GNA12: variants seen among roughly 807,000 people sequenced by gnomAD.
GNA12 encodes the protein G protein subunit alpha 12.
GNA12 carries 9 observed loss-of-function variants against 26.0 expected under a neutral mutation model. That is an observed-to-expected ratio of 0.35 (90% CI 0.21 to 0.60). The LOEUF (loss-of-function observed/expected upper bound fraction) is 0.60. GNA12 is among the 20% of genes least tolerant of loss of function. The pLI, the probability that GNA12 is intolerant of heterozygous loss-of-function variation, is 0.78. For synonymous variants in GNA12, 264 were observed against 219.6 expected (o/e 1.20, Z -1.79); for missense variants, 405 against 525.8 (o/e 0.77, Z 2.25).
intron 2 of GNA12, among the ~76,000 whole-genome samples, chr7:2,747,647 T>C (rs1790830761): frequency 6.6e-6 from 1 of 152,238 alleles, no homozygotes; most frequent in Non-Finnish European, 1.5e-5. Context: ...TCCTATTCAA[T>C]ATAGTGTTGG....
chr7:2,829,657 T>C (rs1331866439), intron 1 of GNA12, among the ~76,000 whole-genome samples: 1 of 152,216 alleles, frequency 6.6e-6, no homozygotes, highest in African/African-American at 2.4e-5. Context: ...TACTTCTCTT[T>C]CATAGTTTCT....
At chr7:2,791,155 T>C (rs1025068369) in intron 2 of GNA12, among the ~76,000 whole-genome samples, 3 of 152,232 alleles carry the variant, frequency 2.0e-5, no homozygotes, top group African/African-American at 7.2e-5. Flanking sequence ...GACAAGAAGA[T>C]AATATTTATA....
intron 1 of GNA12, among the ~76,000 whole-genome samples, chr7:2,796,208 T>G (rs1792669275): frequency 6.6e-6 from 1 of 152,206 alleles, no homozygotes; most frequent in African/African-American, 2.4e-5. Flanking sequence ...CCTCAGTGGA[T>G]GTCTGAACGG....
At chr7:2,779,690 C>T (rs1399494557) in intron 2 of GNA12, among the ~76,000 whole-genome samples, 6 of 151,980 alleles carry the variant, frequency 3.9e-5, no homozygotes, top group African/African-American at 9.7e-5. Context: ...CTTCAGCCTC[C>T]GGGGTTCAAG....
chr7:2,762,782 CA>C (rs1417020292), intron 2 of GNA12: 1 of 1,543,454 alleles, frequency 6.5e-7, no homozygotes, highest in South Asian at 1.2e-5. Context: ...CCAGGCTGTA[CA>C]AAAGGGAGGA....
chr7:2,738,579 G>C (rs1790332921), intron 2 of GNA12, among the ~76,000 whole-genome samples: 1 of 152,080 alleles, frequency 6.6e-6, no homozygotes. Flanking sequence ...ATTTGGAAAA[G>C]GAAACGTGGA....
chr7:2,760,350 CA>C (rs1354172967), intron 2 of GNA12: 1 of 152,376 alleles, frequency 6.6e-6, no homozygotes, highest in East Asian at 1.9e-4. Flanking sequence ...ACCAGTACAC[CA>C]GGGGGACACC....
intron 2 of GNA12, among the ~76,000 whole-genome samples, chr7:2,785,424 A>G (rs1792333543): frequency 6.6e-6 from 1 of 152,250 alleles, no homozygotes; most frequent in Non-Finnish European, 1.5e-5. Context: ...GTAACAGTTA[A>G]GAAAGCTCTG....
chr7:2,784,921 A>G (rs752396808), intron 2 of GNA12, among the ~76,000 whole-genome samples: 5 of 152,234 alleles, frequency 3.3e-5, no homozygotes, highest in Non-Finnish European at 5.9e-5. Flanking sequence ...GCTGTCACAT[A>G]AAGTATTTCA....
intron 2 of GNA12, among the ~76,000 whole-genome samples, chr7:2,740,631 T>C (rs1790451117): frequency 6.6e-6 from 1 of 152,190 alleles, no homozygotes; most frequent in African/African-American, 2.4e-5. Flanking sequence ...GAGGCAAAGA[T>C]GGTGAAATGT....
At chr7:2,796,074 C>T (rs1381265792) in intron 1 of GNA12, among the ~76,000 whole-genome samples, 1 of 151,908 alleles carries the variant, frequency 6.6e-6, no homozygotes, top group Non-Finnish European at 1.5e-5. Flanking sequence ...CCATGTTGTC[C>T]AGCCTGGTCT....
chr7:2,762,421 C>G (rs1791604571), intron 2 of GNA12: 1 of 484,908 alleles, frequency 2.1e-6, no homozygotes, highest in African/African-American at 2.0e-5. Flanking sequence ...TAGACGTTAA[C>G]TTGGCCAAGG....
chr7:2,761,624 C>G (rs979981484), intron 2 of GNA12, among the ~76,000 whole-genome samples: 1 of 152,174 alleles, frequency 6.6e-6, no homozygotes, highest in African/African-American at 2.4e-5. Context: ...CGTTCCCGAA[C>G]CGGCCTCTCA....
intron 2 of GNA12, among the ~76,000 whole-genome samples, chr7:2,737,282 T>TG (rs1790249299): frequency 6.6e-5 from 4 of 60,580 alleles, no homozygotes; most frequent in African/African-American, 2.7e-4. Flanking sequence ...TTGTTTTTTT[T>TG]TTTTTTGTTT....
intron 1 of GNA12, chr7:2,835,529 G>A: frequency 8.4e-6 from 4 of 476,758 alleles, no homozygotes; most frequent in South Asian, 5.3e-5. Context: ...TGGAGACAGG[G>A]TTGTATTTGC....
At chr7:2,761,176 C>A (rs976654987) in intron 2 of GNA12, among the ~76,000 whole-genome samples, 1 of 152,234 alleles carries the variant, frequency 6.6e-6, no homozygotes, top group Non-Finnish European at 1.5e-5. Context: ...CACCGAGCCA[C>A]CGTGCACGGC....
At chr7:2,842,201 AAGC>A (rs1554264399) in intron 1 of GNA12, among the ~76,000 whole-genome samples, 7 of 152,120 alleles carry the variant, frequency 4.6e-5, no homozygotes, top group Non-Finnish European at 1.0e-4. Flanking sequence ...ATCTAGGTGT[AAGC>A]AAGGCTGCAC....
chr7:2,762,377 G>A (rs995344417), intron 2 of GNA12: 3 of 439,424 alleles, frequency 6.8e-6, no homozygotes, highest in African/African-American at 2.0e-5. Context: ...ACGGTATGGC[G>A]GTTCCCACTT....
At chr7:2,797,626 C>T (rs1290997971) in intron 1 of GNA12, among the ~76,000 whole-genome samples, 1 of 152,160 alleles carries the variant, frequency 6.6e-6, no homozygotes, top group Non-Finnish European at 1.5e-5. Context: ...CTCTCTCCTG[C>T]AGCATCAATT....
Sources: gnomAD v4.1 joint callset for allele counts (sites outside exome capture counted in the v4.1 genomes callset) on GRCh38, gnomAD v4.1.1 for gene constraint, MANE v1.5 for transcripts, NCBI Gene and HGNC (gene_info 2026-07-23, HGNC 2026-07-21) for gene names.